DNAH12: variants seen among roughly 807,000 people sequenced by gnomAD.
DNAH12 encodes dynein axonemal heavy chain 12, also known as axonemal beta dynein heavy chain 12.
Under a neutral mutation model 371.5 loss-of-function variants are expected in DNAH12, and 285 were observed. The observed-to-expected ratio is 0.77, with a 90% CI of 0.70 to 0.85. DNAH12 has a LOEUF of 0.85. DNAH12 is among the 40% of genes least tolerant of loss of function. The probability of loss-of-function intolerance (pLI) is 0.00; values close to 1 mark genes in which losing one functional copy is unlikely to be tolerated. For missense variants in DNAH12, 3,611 were observed against 3,689.4 expected, an observed-to-expected ratio of 0.98 and a Z score of 0.55; for synonymous variants, 1,200 against 1,213.0, an observed-to-expected ratio of 0.99 and a Z score of 0.22.
Position 57,426,759 on chromosome 3 carries a change from G to C in DNAH12, c.5254-1618C>G, listed in dbSNP as rs188843864. 2.8e-3 allele frequency among the ~76,000 whole-genome samples: 421 copies of C among 148,724 alleles called. 1 individual carries two copies. Among genetic ancestry groups the C allele is most frequent in the African/African-American group, 1.0e-2 (404 of 40,422 alleles). ...AGCTACCTGGGAGGCTGAGGCACGA[G>C]AATCACTTGAACCTGAAAGGTGGAG... On this transcript the variant is annotated intron_variant, in intron 34 of 73. Coordinates refer to ENST00000495027, the MANE Select transcript of DNAH12 (RefSeq NM_001366028.2).
intron 47 of DNAH12, among the ~76,000 whole-genome samples, chr3:57,386,167 A>G (rs1488228363): frequency 6.6e-6 from 1 of 152,196 alleles, no homozygotes; most frequent in Non-Finnish European, 1.5e-5. Flanking sequence ...TAAATGGTAA[A>G]AAATTAATTA....
intron 4 of DNAH12, among the ~76,000 whole-genome samples, chr3:57,513,153 G>A (rs532817853): frequency 7.0e-4 from 106 of 150,696 alleles, no homozygotes; most frequent in Non-Finnish European, 1.2e-3. Context: ...AAAAAAAAAT[G>A]TGGTACATAT....
Position 57,413,750 on chromosome 3 carries a change from G to T in DNAH12, c.6016C>A (p.His2006Asn). 3 of 1,549,906 alleles carry T rather than the reference G, an allele frequency of 1.9e-6. No individual in the cohort carries two copies. Among genetic ancestry groups the T allele is most frequent in the Non-Finnish European group, 2.6e-6 (3 of 1,146,372 alleles). Residue 2006 changes from histidine to asparagine, a missense_variant, in exon 39 of 74, where the codon CAT becomes AAT. His to Asn is a moderately conservative substitution (Grantham distance 68). Transcript: ENST00000495027. ...CTTATCGAATTAAATAGTTACCAAT[G>T]TCCACAGTCAAAAAACTGTCGTAAT... Reference protein sequence around the residue: ...ELLRQFFDCGHWYDLKDTSKI... With the variant: ...ELLRQFFDCGNWYDLKDTSKI...
intron 59 of DNAH12, among the ~76,000 whole-genome samples, chr3:57,354,713 C>G (rs1007912180): frequency 0.024 from 3,608 of 152,110 alleles, 66 homozygotes; most frequent in Admixed American, 0.035. Context: ...GGAAGTAATT[C>G]AGAAGTCCTT....
At chr3:57,350,639 A>G (rs1316151040) in intron 60 of DNAH12, among the ~76,000 whole-genome samples, 10 of 152,238 alleles carry the variant, frequency 6.6e-5, no homozygotes, top group African/African-American at 2.4e-4. Context: ...ACAAAGCAAG[A>G]ACCATAAATC....
At chr3:57,302,046 C>T (rs1224948683) in intron 69 of DNAH12, 107 bp from the exon 70 acceptor site, 1 of 1,209,716 alleles carries the variant, frequency 8.3e-7, no homozygotes, top group Non-Finnish European at 1.1e-6. Flanking sequence ...GGGATTGCTT[C>T]CCAAAATGTG....
chr3:57,473,337 A>G (rs2066422395), intron 13 of DNAH12, among the ~76,000 whole-genome samples: 1 of 152,120 alleles, frequency 6.6e-6, no homozygotes, highest in Non-Finnish European at 1.5e-5. Flanking sequence ...AAATACAAAA[A>G]TTAGCTGGGC....
intron 13 of DNAH12, among the ~76,000 whole-genome samples, chr3:57,478,837 G>A (rs573842205): frequency 6.6e-6 from 1 of 152,218 alleles, no homozygotes; most frequent in Non-Finnish European, 1.5e-5. Flanking sequence ...CTTCATAAGT[G>A]AAGGAGAAAT....
intron 55 of DNAH12, among the ~76,000 whole-genome samples, chr3:57,369,009 C>A (rs1342802363): frequency 1.3e-5 from 2 of 151,804 alleles, no homozygotes; most frequent in African/African-American, 2.4e-5. Flanking sequence ...GAGTTCAAGA[C>A]CAGCCTGGCC....
intron 23 of DNAH12, among the ~76,000 whole-genome samples, chr3:57,454,341 G>A (rs1384140232): frequency 6.6e-6 from 1 of 152,068 alleles, no homozygotes; most frequent in East Asian, 1.9e-4. Context: ...TTAGCCGGGT[G>A]TGGTGGCACA....
chr3:57,316,385 C>A (rs557552968), intron 65 of DNAH12, among the ~76,000 whole-genome samples: 1 of 152,312 alleles, frequency 6.6e-6, no homozygotes, highest in East Asian at 1.9e-4. Flanking sequence ...CCTTATTGCT[C>A]TTTCAACAAC....
In DNAH12 at chr3:57,338,700, G is replaced by A. The variant is rs376894800; in HGVS notation, c.9675-3760C>T. ...TGGGAAGTGAGGAGCGCCTCTGCCCGGCCGCCCCATCTTGGGGGTGAGGAG... is the reference window on the plus strand; with the variant it reads ...TGGGAAGTGAGGAGCGCCTCTGCCCAGCCGCCCCATCTTGGGGGTGAGGAG... On this transcript the variant is annotated intron_variant, in intron 60 of 73. Coordinates refer to ENST00000495027, the MANE Select transcript of DNAH12 (RefSeq NM_001366028.2). 5.0e-4 allele frequency among the ~76,000 whole-genome samples: 74 copies of A among 149,386 alleles called. No homozygotes were observed. In the East Asian group the frequency reaches 0.011, roughly 22 times the overall value.
intron 57 of DNAH12, among the ~76,000 whole-genome samples, chr3:57,365,941 G>A (rs1575508111): frequency 6.6e-6 from 1 of 151,872 alleles, no homozygotes; most frequent in East Asian, 1.9e-4. Context: ...GTCTCATTCA[G>A]GTACAAGTCA....
intron 69 of DNAH12, 29 bp from the exon 70 acceptor site, chr3:57,301,968 A>G: frequency 6.5e-7 from 1 of 1,530,784 alleles, no homozygotes; most frequent in East Asian, 2.5e-5. Flanking sequence ...TGTCATCAAC[A>G]TATATGATGA....
In DNAH12 at chr3:57,485,316, G is replaced by A. The variant is rs935944567; in HGVS notation, c.1515-1805C>T. Among the ~76,000 whole-genome samples, 67 of 152,190 alleles carry A rather than the reference G, an allele frequency of 4.4e-4. 1 individual carries two copies. Among genetic ancestry groups the A allele is most frequent in the Admixed American group, 1.3e-4 (2 of 15,286 alleles). ...CCAATGAGTGGATAAAGAAAATGTG[G>A]TATATAGACACCACGGAATACTACT... On this transcript the variant is annotated intron_variant, in intron 12 of 73. Coordinates refer to ENST00000495027, the MANE Select transcript of DNAH12 (RefSeq NM_001366028.2).
chr3:57,471,361 T>G (rs2066361842), intron 15 of DNAH12, 111 bp downstream of exon 15: 2 of 998,638 alleles, frequency 2.0e-6, no homozygotes, highest in African/African-American at 3.4e-5. Flanking sequence ...AAATATAGAG[T>G]AAACATAAAA....
chr3:57,297,037 C>G, intron 70 of DNAH12, 53 bp from the exon 71 acceptor site: 1 of 1,533,974 alleles, frequency 6.5e-7, no homozygotes, highest in Non-Finnish European at 8.8e-7. Flanking sequence ...TATACAAGTG[C>G]CACCTGATGT....
chr3:57,397,172 G>C (rs1239414548), intron 43 of DNAH12, among the ~76,000 whole-genome samples: 2 of 151,318 alleles, frequency 1.3e-5, no homozygotes, highest in African/African-American at 4.9e-5. Flanking sequence ...GCAAGATAAT[G>C]GGCTAGGAAG....
chr3:57,430,115 TAA>T (rs1484877163), intron 32 of DNAH12, among the ~76,000 whole-genome samples: 1 of 152,152 alleles, frequency 6.6e-6, no homozygotes, highest in East Asian at 1.9e-4. Flanking sequence ...CCTGAATTTA[TAA>T]AGTGACCATA....
Sources: allele counts gnomAD v4.1 joint callset (sites outside exome capture counted in the v4.1 genomes callset), GRCh38; gene constraint gnomAD v4.1.1; transcripts MANE v1.5; gene names NCBI Gene and HGNC (gene_info 2026-07-23, HGNC 2026-07-21).